MLIP: variants seen among roughly 807,000 people sequenced by gnomAD.
MLIP encodes the protein muscular LMNA interacting protein, also known as muscular LMNA-interacting protein.
Under a neutral mutation model 84.8 loss-of-function variants are expected in MLIP, and 79 were observed. That is an observed-to-expected ratio of 0.93 (90% CI 0.78 to 1.12). The LOEUF is 1.12. Ranked by LOEUF, MLIP falls within the 50% of genes most tolerant of loss-of-function variation. The pLI, the probability that MLIP is intolerant of heterozygous loss-of-function variation, is 0.00. For synonymous variants in MLIP, 504 were observed against 463.0 expected (o/e 1.09, Z -1.14); for missense variants, 1,257 against 1,160.6 (o/e 1.08, Z -1.21).
intron 12 of MLIP, among the ~76,000 whole-genome samples, chr6:54,240,149 T>C (rs943464144): frequency 6.6e-6 from 1 of 152,182 alleles, no homozygotes; most frequent in Non-Finnish European, 1.5e-5. Flanking sequence ...AACAACGAAA[T>C]AGAATCACTA....
chr6:54,030,188 G>T (rs976987059), intron 1 of MLIP, among the ~76,000 whole-genome samples: 3 of 152,022 alleles, frequency 2.0e-5, no homozygotes. Context: ...TTGTATTTTT[G>T]TTCTGTGAAG....
chr6:54,217,437 A>T (rs1388673879), intron 11 of MLIP: 9 of 985,310 alleles, frequency 9.1e-6, no homozygotes, highest in Non-Finnish European at 9.6e-6. Flanking sequence ...AGAGCACCAA[A>T]TGCATCAGAT....
chr6:54,210,274 C>T (rs1427593919), intron 11 of MLIP, among the ~76,000 whole-genome samples: 5 of 151,676 alleles, frequency 3.3e-5, no homozygotes, highest in African/African-American at 1.2e-4. Flanking sequence ...GCTGTATGTC[C>T]AATTGTTAAA....
chr6:54,242,157 G>A (rs1298110538), intron 12 of MLIP, among the ~76,000 whole-genome samples: 1 of 152,202 alleles, frequency 6.6e-6, no homozygotes, highest in Non-Finnish European at 1.5e-5. Context: ...GACAGAGAAA[G>A]GAAAGAAACT....
upstream of MLIP, among the ~76,000 whole-genome samples, chr6:54,109,754 G>C (rs1769282619): frequency 6.6e-6 from 1 of 151,982 alleles, no homozygotes; most frequent in African/African-American, 2.4e-5. Context: ...GTGGCTCCCA[G>C]GGCATCTACT....
At chr6:54,216,555 C>T in intron 11 of MLIP, 1 of 983,588 alleles carries the variant, frequency 1.0e-6, no homozygotes, top group East Asian at 1.1e-4. Context: ...ACACTTTAAG[C>T]ACTAAGTTAT....
At chr6:54,196,191 A>T (rs1217280222) in intron 10 of MLIP, among the ~76,000 whole-genome samples, 3 of 152,146 alleles carry the variant, frequency 2.0e-5, no homozygotes, top group Non-Finnish European at 4.4e-5. Flanking sequence ...TTTTAAAAAA[A>T]AGAAGTTATT....
intron 1 of MLIP, among the ~76,000 whole-genome samples, chr6:54,039,516 TG>T (rs1159468857): frequency 1.3e-5 from 2 of 151,862 alleles, no homozygotes; most frequent in African/African-American, 4.8e-5. Context: ...GATTTAAAGA[TG>T]GAATGAATAC....
In MLIP at chr6:54,160,413, C is replaced by T. The variant is rs1774496277; in HGVS notation, c.2336C>T (p.Thr779Ile). 1.2e-6 allele frequency: 2 copies of T among 1,612,476 alleles called. No homozygotes were observed. Among genetic ancestry groups the T allele is most frequent in the Non-Finnish European group, 8.5e-7 (1 of 1,179,154 alleles). Residue 779 changes from threonine to isoleucine, a missense_variant, in exon 6 of 14, where the codon ACA becomes ATA. Thr to Ile is a moderately conservative substitution (Grantham distance 89, BLOSUM62 -1). Transcript: ENST00000502396. ...ACTGAAAGTGTCTCCAAGGACAACA[C>T]ATTAGAACCACCAGTGGAGGTAATA... The part of the protein sequence containing the change: ...AKTESVSKDN[T>I]LEPPVELYFP...
chr6:54,154,659 G>A (rs1773831804), intron 5 of MLIP, among the ~76,000 whole-genome samples: 1 of 152,160 alleles, frequency 6.6e-6, no homozygotes, highest in East Asian at 1.9e-4. Context: ...GAATTATTGA[G>A]TAAGGGATGC....
intron 1 of MLIP, chr6:54,032,388 T>C (rs1195248651): frequency 6.6e-6 from 1 of 152,184 alleles, no homozygotes; most frequent in African/African-American, 2.4e-5. Flanking sequence ...TTTTTATTCT[T>C]ATTCTACCAA....
At chr6:54,032,700 T>C (rs61106744) in intron 1 of MLIP, among the ~76,000 whole-genome samples, 6 of 152,146 alleles carry the variant, frequency 3.9e-5, no homozygotes, top group Non-Finnish European at 7.3e-5. Flanking sequence ...ACTAGAGGTG[T>C]GCACCATCAT....
chr6:54,234,400 A>G (rs1183373397), intron 12 of MLIP, among the ~76,000 whole-genome samples: 1 of 152,204 alleles, frequency 6.6e-6, no homozygotes, highest in East Asian at 1.9e-4. Context: ...ATTATCACTA[A>G]GCTTTCTGGG....
intron 12 of MLIP, among the ~76,000 whole-genome samples, chr6:54,233,287 T>A (rs1781129625): frequency 6.6e-6 from 1 of 152,140 alleles, no homozygotes; most frequent in Admixed American, 6.5e-5. Flanking sequence ...CATCAACCCG[T>A]CATCTACATT....
intron 1 of MLIP, among the ~76,000 whole-genome samples, chr6:54,035,210 G>A (rs1764360028): frequency 6.6e-6 from 1 of 152,138 alleles, no homozygotes. Context: ...GTCATTAAGC[G>A]ATGCCTGACT....
intron 1 of MLIP, among the ~76,000 whole-genome samples, chr6:54,116,522 T>C (rs780802731): frequency 2.0e-5 from 3 of 152,120 alleles, no homozygotes; most frequent in Non-Finnish European, 2.9e-5. Flanking sequence ...CTTGGACACA[T>C]ACAACCTATT....
Position 54,266,103 on chromosome 6 carries a change from C to T in MLIP, c.*148C>T. 1 of 731,340 alleles carries T rather than the reference C, an allele frequency of 1.4e-6. No individual in the cohort carries two copies. The highest frequency in any genetic ancestry group is 2.3e-6 in the Non-Finnish European group (1 of 431,812). 45.3% of individuals were successfully genotyped at this position (731,340 alleles called of 1,614,324 possible). On this transcript the variant is annotated 3_prime_UTR_variant, in exon 14 of 14. Coordinates refer to ENST00000502396, the MANE Select transcript of MLIP (RefSeq NM_001281747.2). ...GCAGCAGAACCAAAAAAAAAGTTTG[C>T]TGCAATTATATAGCATCACAGTGCT...
At chr6:54,227,402 C>T (rs1780650051) in intron 11 of MLIP, among the ~76,000 whole-genome samples, 1 of 151,814 alleles carries the variant, frequency 6.6e-6, no homozygotes, top group Admixed American at 6.6e-5. Flanking sequence ...GTCCAACATC[C>T]AGAAAGAGAA....
intron 10 of MLIP, among the ~76,000 whole-genome samples, chr6:54,191,454 G>A (rs1272705327): frequency 6.6e-6 from 1 of 152,086 alleles, no homozygotes; most frequent in East Asian, 1.9e-4. Context: ...GTGTCAATTG[G>A]TTTAGAACAG....
Sources: gnomAD v4.1 joint callset for allele counts (sites outside exome capture counted in the v4.1 genomes callset) on GRCh38, gnomAD v4.1.1 for gene constraint, MANE v1.5 for transcripts, NCBI Gene and HGNC (gene_info 2026-07-23, HGNC 2026-07-21) for gene names.